Variants in SCAF8 observed in about 807,000 individuals in gnomAD.
SCAF8 encodes SR-related CTD associated factor 8, also known as SR-related and CTD-associated factor 8.
A neutral mutation model predicts 140.5 loss-of-function variants in SCAF8; 23 were observed. The observed-to-expected ratio is 0.16, with a 90% CI of 0.12 to 0.23. The LOEUF is 0.23. SCAF8 is among the 10% of genes least tolerant of loss of function. The pLI, the probability that SCAF8 is intolerant of heterozygous loss-of-function variation, is 1.00. For missense variants in SCAF8, 1,397 were observed against 1,555.7 expected, an observed-to-expected ratio of 0.90 and a Z score of 1.72; for synonymous variants, 575 against 528.9, an observed-to-expected ratio of 1.09 and a Z score of -1.20.
At chr6:154,754,828 T>C (rs1468466871) in intron 1 of SCAF8, among the ~76,000 whole-genome samples, 2 of 152,240 alleles carry the variant, frequency 1.3e-5, no homozygotes, top group African/African-American at 4.8e-5. Flanking sequence ...AAATTACTTG[T>C]ATTTTTTAAT....
At chr6:154,808,292 T>C (rs1777982230) in intron 10 of SCAF8, 91 bp downstream of exon 10, 8 of 1,267,804 alleles carry the variant, frequency 6.3e-6, no homozygotes, top group Non-Finnish European at 8.9e-6. Flanking sequence ...CTGAATATAT[T>C]TTTCCCACAC....
At chr6:154,819,339 C>T (rs529856288) in intron 14 of SCAF8, among the ~76,000 whole-genome samples, 1 of 152,292 alleles carries the variant, frequency 6.6e-6, no homozygotes, top group South Asian at 2.1e-4. Flanking sequence ...GCAGTCCCAG[C>T]ACTTTGGGAG....
At chr6:154,818,620 G>T in intron 14 of SCAF8, 28 bp downstream of exon 14, 1 of 1,150,630 alleles carries the variant, frequency 8.7e-7, no homozygotes, top group Non-Finnish European at 1.3e-6. Context: ...GGAACTTGGG[G>T]TAGGGGGGCA....
intron 12 of SCAF8, 109 bp from the exon 13 acceptor site, chr6:154,815,607 T>G: frequency 4.6e-6 from 2 of 439,234 alleles, no homozygotes; most frequent in South Asian, 8.3e-5. Flanking sequence ...TTTAAATATA[T>G]TATCTTAAAT....
intron 6 of SCAF8, among the ~76,000 whole-genome samples, chr6:154,799,845 C>T (rs1475971986): frequency 1.3e-5 from 2 of 150,938 alleles, no homozygotes; most frequent in Non-Finnish European, 3.0e-5. Flanking sequence ...GTGTAATTGG[C>T]GCAATCTCGG....
chr6:154,786,761 T>C (rs1777270130), intron 3 of SCAF8, among the ~76,000 whole-genome samples: 1 of 152,220 alleles, frequency 6.6e-6, no homozygotes, highest in South Asian at 2.1e-4. Context: ...AGTCTAATGG[T>C]ACGTAAAGAG....
intron 1 of SCAF8, among the ~76,000 whole-genome samples, chr6:154,743,217 G>T (rs977763912): frequency 6.6e-6 from 1 of 152,206 alleles, no homozygotes; most frequent in Non-Finnish European, 1.5e-5. Flanking sequence ...TCAAAATAGA[G>T]ACTGAACAGG....
chr6:154,744,979 A>G (rs902479733), intron 1 of SCAF8, among the ~76,000 whole-genome samples: 2 of 152,214 alleles, frequency 1.3e-5, no homozygotes, highest in Non-Finnish European at 2.9e-5. Flanking sequence ...AGCGCATTTT[A>G]TTTAACTATA....
chr6:154,738,221 C>G (rs1330842279), intron 1 of SCAF8, among the ~76,000 whole-genome samples: 1 of 151,818 alleles, frequency 6.6e-6, no homozygotes, highest in East Asian at 1.9e-4. Flanking sequence ...AAAAGAAAAC[C>G]CCAATAATAC....
chr6:154,747,632 T>A (rs1778733714), intron 1 of SCAF8, among the ~76,000 whole-genome samples: 2 of 152,218 alleles, frequency 1.3e-5, no homozygotes, highest in African/African-American at 2.4e-5. Context: ...CCCGAGAACT[T>A]GATTAATAAC....
At chr6:154,795,515 A>G (rs1160714863) in intron 6 of SCAF8, among the ~76,000 whole-genome samples, 1 of 152,208 alleles carries the variant, frequency 6.6e-6, no homozygotes, top group Non-Finnish European at 1.5e-5. Flanking sequence ...GATTAATGAC[A>G]TTAAGAAAGG....
chr6:154,790,859 A>G (rs941911767), intron 4 of SCAF8, among the ~76,000 whole-genome samples: 1 of 152,198 alleles, frequency 6.6e-6, no homozygotes, highest in Admixed American at 6.5e-5. Context: ...TCCTAATGGA[A>G]TAAGTGGCAT....
intron 12 of SCAF8, among the ~76,000 whole-genome samples, chr6:154,814,609 C>A (rs1026092263): frequency 6.6e-6 from 1 of 152,158 alleles, no homozygotes; most frequent in African/African-American, 2.4e-5. Flanking sequence ...TAGAGTAAAA[C>A]CTGCCTGAAA....
At chr6:154,785,900 T>C (rs993459128) in intron 3 of SCAF8, among the ~76,000 whole-genome samples, 1 of 152,210 alleles carries the variant, frequency 6.6e-6, no homozygotes, top group Non-Finnish European at 1.5e-5. Flanking sequence ...TGGAAATTAC[T>C]AGAATATAGT....
chr6:154,750,539 T>C (rs576019339), intron 1 of SCAF8, among the ~76,000 whole-genome samples: 5 of 152,350 alleles, frequency 3.3e-5, no homozygotes, highest in African/African-American at 1.2e-4. Flanking sequence ...GTATGCTTGA[T>C]TTTAAATTCT....
At chr6:154,779,758 GGTGTGT>G (rs199543298) in intron 3 of SCAF8, among the ~76,000 whole-genome samples, 11 of 147,404 alleles carry the variant, frequency 7.5e-5, no homozygotes, top group African/African-American at 2.8e-4. Context: ...GTTAAAATAA[GGTGTGT>G]GTGTGTGTGT....
intron 1 of SCAF8, among the ~76,000 whole-genome samples, chr6:154,739,434 G>A (rs547103198): frequency 1.1e-4 from 17 of 152,078 alleles, no homozygotes; most frequent in Non-Finnish European, 1.0e-4. Context: ...CAGGTCCTTT[G>A]TATAGCTAGT....
chr6:154,810,287 A>C, intron 12 of SCAF8, 79 bp downstream of exon 12: 2 of 1,061,120 alleles, frequency 1.9e-6, no homozygotes, highest in Non-Finnish European at 2.7e-6. Context: ...TCTCTCAGCC[A>C]AATTTTATTT....
At chr6:154,794,918 A>G in intron 5 of SCAF8, 91 bp from the exon 6 acceptor site, 1 of 1,239,656 alleles carries the variant, frequency 8.1e-7, no homozygotes, top group South Asian at 1.5e-5. Context: ...CATGTGTTTT[A>G]TAAAAGTAAT....
Sources: gnomAD v4.1 joint callset for allele counts (sites outside exome capture counted in the v4.1 genomes callset) on GRCh38, gnomAD v4.1.1 for gene constraint, MANE v1.5 for transcripts, NCBI Gene and HGNC (gene_info 2026-07-23, HGNC 2026-07-21) for gene names.